Variants in DLGAP1 observed in about 807,000 individuals in gnomAD.
DLGAP1 encodes DLG associated protein 1, also known as disks large-associated protein 1.
A neutral mutation model predicts 90.8 loss-of-function variants in DLGAP1; 11 were observed. The observed-to-expected ratio is 0.12, with a 90% CI of 0.08 to 0.20. The LOEUF is 0.20. DLGAP1 is among the 10% of genes least tolerant of loss of function. The pLI is 1.00. For synonymous variants in DLGAP1, 558 were observed against 540.7 expected, an observed-to-expected ratio of 1.03 and a Z score of -0.44; for missense variants, 1,050 against 1,333.8, an observed-to-expected ratio of 0.79 and a Z score of 3.31.
At chr18:3,890,752 A>G (rs2071438247) in intron 3 of DLGAP1, among the ~76,000 whole-genome samples, 1 of 152,214 alleles carries the variant, frequency 6.6e-6, no homozygotes, top group African/African-American at 2.4e-5. Context: ...TTTTAGGGAC[A>G]GGGTCTTGCT....
intron 5 of DLGAP1, among the ~76,000 whole-genome samples, chr18:3,809,167 T>C (rs1031156445): frequency 1.3e-5 from 2 of 151,958 alleles, no homozygotes; most frequent in African/African-American, 4.8e-5. Flanking sequence ...CTGTTCTCAA[T>C]GGGTAGGGTG....
chr18:3,682,357 A>G (rs2060551110), intron 7 of DLGAP1, among the ~76,000 whole-genome samples: 1 of 152,124 alleles, frequency 6.6e-6, no homozygotes, highest in Non-Finnish European at 1.5e-5. Context: ...CCAAGAGTCA[A>G]TTAAACTTCT....
chr18:3,774,450 G>A (rs2064846064), intron 5 of DLGAP1: 2 of 152,386 alleles, frequency 1.3e-5, no homozygotes, highest in South Asian at 2.1e-4. Context: ...GAGAGACTGT[G>A]TCTGGGATGT....
At chr18:4,450,895 A>G (rs1448327196) in intron 1 of DLGAP1, among the ~76,000 whole-genome samples, 1 of 152,234 alleles carries the variant, frequency 6.6e-6, no homozygotes, top group African/African-American at 2.4e-5. Flanking sequence ...TTAGATATCC[A>G]GTGGGACAAT....
chr18:3,813,976 T>C, intron 5 of DLGAP1, 83 bp downstream of exon 5: 6 of 1,398,746 alleles, frequency 4.3e-6, no homozygotes, highest in South Asian at 3.5e-5. Context: ...TCTGCCCCAC[T>C]TACTCTAGGA....
chr18:4,258,010 T>TGCGCGC (rs57523543), intron 1 of DLGAP1, among the ~76,000 whole-genome samples: 1 of 137,006 alleles, frequency 7.3e-6, no homozygotes, highest in Non-Finnish European at 1.6e-5. Context: ...TGTGTGTGTG[T>TGCGCGC]GCGCGCGCGC....
At chr18:3,667,767 C>T (rs945281000) in intron 7 of DLGAP1, among the ~76,000 whole-genome samples, 9 of 152,166 alleles carry the variant, frequency 5.9e-5, no homozygotes, top group Non-Finnish European at 2.9e-5. Flanking sequence ...AGTTCCACCC[C>T]CAAGGCTAGG....
intron 10 of DLGAP1, among the ~76,000 whole-genome samples, chr18:3,531,872 T>C (rs1337714943): frequency 2.6e-5 from 4 of 152,188 alleles, no homozygotes; most frequent in African/African-American, 9.7e-5. Context: ...TTTCTTTTTT[T>C]GGAGACAGAG....
chr18:3,632,425 C>T (rs1334494623), intron 7 of DLGAP1, among the ~76,000 whole-genome samples: 1 of 151,990 alleles, frequency 6.6e-6, no homozygotes, highest in Non-Finnish European at 1.5e-5. Context: ...CCTCAACCTC[C>T]GAAGTAGCTG....
At chr18:4,124,355 G>A (rs1355456845) in intron 2 of DLGAP1, among the ~76,000 whole-genome samples, 2 of 152,156 alleles carry the variant, frequency 1.3e-5, no homozygotes, top group African/African-American at 2.4e-5. Context: ...AAAAATGTTC[G>A]AATAATCCTC....
At chr18:4,324,766 CACATGATTA>C (rs2080777721) in intron 1 of DLGAP1, among the ~76,000 whole-genome samples, 13 of 41,696 alleles carry the variant, frequency 3.1e-4, no homozygotes, top group African/African-American at 2.4e-3. Context: ...AAACAAAAAC[CACATGATTA>C]CCTTAATTGA....
At chr18:4,136,093 AC>A (rs953105908) in intron 2 of DLGAP1, among the ~76,000 whole-genome samples, 2 of 150,934 alleles carry the variant, frequency 1.3e-5, no homozygotes, top group Non-Finnish European at 2.9e-5. Flanking sequence ...TTCAATGTCC[AC>A]CTATGAGTGA....
chr18:3,786,019 TC>T lies in DLGAP1; in HGVS notation c.1172+28039del, dbSNP rs372060746. Among the ~76,000 whole-genome samples the T allele has an allele frequency of 2.6e-4, 39 of 152,322 alleles. No individual in the cohort carries two copies. The East Asian group carries it at 3.1e-3, about 12-fold the overall frequency. ...CTTCAAAGCCAGTGGTGCAGCATCC[TC>T]CAATGCTTCCTTCTCTCTCCAACTC... On this transcript the variant is annotated intron_variant, in intron 5 of 12. Transcript: ENST00000315677.
At chr18:3,639,624 G>A (rs2058851867) in intron 7 of DLGAP1, among the ~76,000 whole-genome samples, 1 of 152,122 alleles carries the variant, frequency 6.6e-6, no homozygotes, top group African/African-American at 2.4e-5. Flanking sequence ...TTTCTGAAGG[G>A]CCAGCTTGGC....
intron 7 of DLGAP1, among the ~76,000 whole-genome samples, chr18:3,675,580 C>T (rs1364057408): frequency 6.6e-6 from 1 of 152,116 alleles, no homozygotes; most frequent in Non-Finnish European, 1.5e-5. Flanking sequence ...GCAGTGGTAC[C>T]CTACAGTTTT....
intron 1 of DLGAP1, among the ~76,000 whole-genome samples, chr18:4,219,097 T>C (rs2078024765): frequency 6.8e-6 from 1 of 147,430 alleles, no homozygotes; most frequent in Non-Finnish European, 1.5e-5. Context: ...ATAATTTAAA[T>C]TCCCATCAAC....
intron 1 of DLGAP1, among the ~76,000 whole-genome samples, chr18:4,278,971 A>G (rs1485762300): frequency 6.6e-6 from 1 of 152,244 alleles, no homozygotes; most frequent in African/African-American, 2.4e-5. Flanking sequence ...AAGCAAATAA[A>G]AAATATTCCT....
intron 1 of DLGAP1, among the ~76,000 whole-genome samples, chr18:4,429,419 G>A (rs893050413): frequency 1.3e-5 from 2 of 152,142 alleles, no homozygotes; most frequent in Non-Finnish European, 2.9e-5. Flanking sequence ...TTTTTATAAA[G>A]TGAACATTTA....
intron 4 of DLGAP1, among the ~76,000 whole-genome samples, chr18:3,851,381 C>G (rs1376443084): frequency 3.3e-5 from 5 of 152,214 alleles, no homozygotes; most frequent in South Asian, 2.1e-4. Flanking sequence ...TGAGGAAGAA[C>G]AGAACTAGGT....
Sources: gnomAD v4.1 joint callset for allele counts (sites outside exome capture counted in the v4.1 genomes callset) on GRCh38, gnomAD v4.1.1 for gene constraint, MANE v1.5 for transcripts, NCBI Gene and HGNC (gene_info 2026-07-23, HGNC 2026-07-21) for gene names.